Variants in VPS54 observed in about 807,000 individuals in gnomAD.
VPS54 encodes the protein VPS54 subunit of GARP complex.
In VPS54, 45 loss-of-function variants were observed where a neutral mutation model predicts 121.5. That is an observed-to-expected ratio of 0.37 (90% CI 0.29 to 0.47). VPS54 has a LOEUF of 0.47. VPS54 is among the 20% of genes least tolerant of loss of function. The probability of loss-of-function intolerance (pLI) is 0.99; values close to 1 mark genes in which losing one functional copy is unlikely to be tolerated. For missense variants in VPS54, 1,090 were observed against 1,131.4 expected, an observed-to-expected ratio of 0.96 and a Z score of 0.52; for synonymous variants, 371 against 385.8, an observed-to-expected ratio of 0.96 and a Z score of 0.45.
At chr2:64,003,941 T>A (rs886167670) in intron 1 of VPS54, among the ~76,000 whole-genome samples, 1 of 152,044 alleles carries the variant, frequency 6.6e-6, no homozygotes, top group African/African-American at 2.4e-5. Context: ...CAGGACTCTT[T>A]GAAAGAATAT....
intron 1 of VPS54, among the ~76,000 whole-genome samples, chr2:63,988,896 A>T (rs1031653317): frequency 5.3e-5 from 8 of 152,210 alleles, no homozygotes; most frequent in African/African-American, 1.9e-4. Context: ...GGACAGAGCC[A>T]TATTTCTCTT....
At chr2:63,925,079 T>G (rs1673834983) in intron 12 of VPS54, among the ~76,000 whole-genome samples, 1 of 152,184 alleles carries the variant, frequency 6.6e-6, no homozygotes, top group African/African-American at 2.4e-5. Context: ...ATTAAGAACT[T>G]TTGTTCACCA....
chr2:64,017,574 G>A (rs958590217), intron 1 of VPS54, among the ~76,000 whole-genome samples: 5 of 152,168 alleles, frequency 3.3e-5, no homozygotes, highest in Admixed American at 6.5e-5. Flanking sequence ...GCCAAATGCT[G>A]TAGTAACAAT....
At chr2:63,910,246 A>G (rs1361485501) in intron 20 of VPS54, among the ~76,000 whole-genome samples, 3 of 152,330 alleles carry the variant, frequency 2.0e-5, no homozygotes, top group Non-Finnish European at 2.9e-5. Context: ...TTAACACAGG[A>G]AGAATGTAAT....
At chr2:64,018,101 A>G (rs1433526221) in intron 1 of VPS54, among the ~76,000 whole-genome samples, 1 of 152,222 alleles carries the variant, frequency 6.6e-6, no homozygotes, top group African/African-American at 2.4e-5. Flanking sequence ...GTAATTTATC[A>G]CGGTATTACT....
chr2:63,991,589 G>A (rs745991518), intron 1 of VPS54, among the ~76,000 whole-genome samples: 15 of 152,166 alleles, frequency 9.9e-5, no homozygotes, highest in South Asian at 6.2e-4. Flanking sequence ...CGGCCAAGCC[G>A]GCTCAACAAA....
At chr2:63,900,757 T>G (rs928862313) in intron 20 of VPS54, among the ~76,000 whole-genome samples, 3 of 151,484 alleles carry the variant, frequency 2.0e-5, no homozygotes, top group Admixed American at 1.3e-4. Context: ...ATCTGGTTTT[T>G]TTTGTTTGTT....
chr2:64,001,170 A>T (rs927612329), intron 1 of VPS54, among the ~76,000 whole-genome samples: 1 of 152,160 alleles, frequency 6.6e-6, no homozygotes, highest in Non-Finnish European at 1.5e-5. Flanking sequence ...CCAAAGGCCC[A>T]TAGGGAGTAC....
At chr2:63,978,938 C>G (rs375313312) in intron 3 of VPS54, among the ~76,000 whole-genome samples, 1 of 152,060 alleles carries the variant, frequency 6.6e-6, no homozygotes. Flanking sequence ...TATTTTTTCT[C>G]GAAAGAGATT....
At chr2:63,987,892 T>G (rs543150059) in intron 1 of VPS54, among the ~76,000 whole-genome samples, 43 of 152,368 alleles carry the variant, frequency 2.8e-4, no homozygotes, top group African/African-American at 9.6e-4. Context: ...GCAACTTTAC[T>G]GAATCTATCA....
intron 7 of VPS54, among the ~76,000 whole-genome samples, chr2:63,957,110 T>C (rs1675529157): frequency 1.3e-5 from 2 of 152,118 alleles, no homozygotes; most frequent in Non-Finnish European, 2.9e-5. Context: ...TTATTGGTAA[T>C]AGATAGCAAA....
In VPS54 at chr2:63,972,261, T is replaced by C. The variant is rs1284577713; in HGVS notation, c.379-17A>G. ...CTTCTCTCTCTAATAAAAAGACAAA[T>C]AACATCATCAATGTATGTGTAAACA... On this transcript the variant is annotated splice_polypyrimidine_tract_variant and intron_variant, in intron 3 of 22. Transcript: ENST00000272322. 1 of 1,551,318 alleles carries C rather than the reference T, an allele frequency of 6.4e-7. No homozygotes were observed. Among genetic ancestry groups the C allele is most frequent in the East Asian group, 2.3e-5 (1 of 44,160 alleles).
intron 3 of VPS54, among the ~76,000 whole-genome samples, chr2:63,975,956 G>A (rs1676507066): frequency 6.6e-6 from 1 of 152,194 alleles, no homozygotes; most frequent in East Asian, 1.9e-4. Context: ...CGTTGGCCAG[G>A]CTGGTCTCAA....
intron 2 of VPS54, 134 bp downstream of exon 2, chr2:63,983,730 C>A: frequency 1.7e-6 from 2 of 1,197,464 alleles, no homozygotes; most frequent in Non-Finnish European, 2.2e-6. Context: ...GCGTGAGCCA[C>A]CGTGCCCGGC....
chr2:63,956,608 T>G (rs1675505302), intron 7 of VPS54, among the ~76,000 whole-genome samples: 1 of 152,196 alleles, frequency 6.6e-6, no homozygotes, highest in Admixed American at 6.5e-5. Flanking sequence ...TCAAGCCCAG[T>G]GAGACCCAAG....
chr2:63,922,149 A>G (rs1036370130), intron 12 of VPS54, among the ~76,000 whole-genome samples: 1 of 152,206 alleles, frequency 6.6e-6, no homozygotes, highest in Non-Finnish European at 1.5e-5. Context: ...ACCTAAACTC[A>G]AAGAGGAGTA....
In VPS54 at chr2:63,984,843, A is replaced by G. The variant is rs557152970; in HGVS notation, c.-20-824T>C. On this transcript the variant is annotated intron_variant, in intron 1 of 22. Transcript: ENST00000272322. Reference sequence around the variant, plus strand: ...ATAAATGAAGCAATATTGAAACTGGACACTAAAGAACATGCATTGTTTTAC... The same window carrying G: ...ATAAATGAAGCAATATTGAAACTGGGCACTAAAGAACATGCATTGTTTTAC... Among the ~76,000 whole-genome samples the G allele has an allele frequency of 1.1e-4, 17 of 152,336 alleles. No individual in the cohort carries two copies. The South Asian group carries it at 3.5e-3, about 32-fold the overall frequency.
At chr2:63,940,747 G>GA (rs2104506142) in intron 11 of VPS54, among the ~76,000 whole-genome samples, 1 of 151,992 alleles carries the variant, frequency 6.6e-6, no homozygotes, top group Non-Finnish European at 1.5e-5. Flanking sequence ...CTGGCAAAAA[G>GA]TTGGCCAATT....
chr2:63,939,170 G>C (rs1213516656), intron 11 of VPS54, among the ~76,000 whole-genome samples: 1 of 152,120 alleles, frequency 6.6e-6, no homozygotes, highest in African/African-American at 2.4e-5. Flanking sequence ...TCAGGAGATT[G>C]AGATCATCCT....
Sources: gnomAD v4.1 joint callset for allele counts (sites outside exome capture counted in the v4.1 genomes callset) on GRCh38, gnomAD v4.1.1 for gene constraint, MANE v1.5 for transcripts, NCBI Gene and HGNC (gene_info 2026-07-23, HGNC 2026-07-21) for gene names.